Variants in TYW3 observed in about 807,000 individuals in gnomAD.
TYW3 encodes the protein tRNA-yW synthesizing protein 3 homolog.
A neutral mutation model predicts 23.1 loss-of-function variants in TYW3; 26 were observed. The observed-to-expected ratio is 1.13, with a 90% confidence interval of 0.83 to 1.56. The LOEUF (loss-of-function observed/expected upper bound fraction) is 1.56. Ranked by LOEUF, TYW3 falls within the 40% of genes most tolerant of loss-of-function variation. TYW3 has a pLI of 0.00. For missense variants in TYW3, 316 were observed against 311.9 expected, an observed-to-expected ratio of 1.01 and a Z score of -0.10; for synonymous variants, 102 against 105.7, an observed-to-expected ratio of 0.97 and a Z score of 0.21.
intron 5 of TYW3, among the ~76,000 whole-genome samples, chr1:74,754,343 A>C (rs1218300464): frequency 6.6e-6 from 1 of 152,244 alleles, no homozygotes; most frequent in Non-Finnish European, 1.5e-5. Flanking sequence ...GCATGCTGCC[A>C]TTAAGAGCCA....
chr1:74,736,381 G>T, intron 1 of TYW3, 161 bp from the exon 2 acceptor site: 1 of 455,062 alleles, frequency 2.2e-6, no homozygotes, highest in Non-Finnish European at 3.8e-6. Context: ...TTCTTATTCT[G>T]GGTTAACATT....
intron 5 of TYW3, among the ~76,000 whole-genome samples, chr1:74,763,091 T>C (rs1312428803): frequency 6.6e-6 from 1 of 152,150 alleles, no homozygotes; most frequent in Non-Finnish European, 1.5e-5. Context: ...AGAATGTGTT[T>C]TTTGATGGGA....
At position 74,766,449 on chromosome 1, in the gene TYW3, G is replaced by A. The variant is rs1357809641; in HGVS notation, c.*2336G>A. On this transcript the variant is annotated 3_prime_UTR_variant, in exon 6 of 6. Coordinates refer to ENST00000370867, the MANE Select transcript of TYW3 (RefSeq NM_138467.3). The stretch of plus-strand genomic sequence containing the variant: ...TGACCCTGTGTAGGCTTAGGCTAAT[G>A]TGTGTGTTTATATCTTAGTTTTTCA... 1 of 152,042 alleles carries A rather than the reference G, an allele frequency of 6.6e-6. No homozygotes were observed. Among genetic ancestry groups the A allele is most frequent in the Non-Finnish European group, 1.5e-5 (1 of 68,012 alleles). 9.4% of individuals were successfully genotyped at this position (152,042 alleles called of 1,614,324 possible).
intron 1 of TYW3, among the ~76,000 whole-genome samples, chr1:74,735,456 G>A (rs1453472663): frequency 6.6e-6 from 1 of 151,974 alleles, no homozygotes; most frequent in African/African-American, 2.4e-5. Context: ...CTTCTGTACT[G>A]GTTAGACTTT....
intron 3 of TYW3, among the ~76,000 whole-genome samples, chr1:74,747,656 A>T (rs1648613708): frequency 6.6e-6 from 1 of 151,136 alleles, no homozygotes; most frequent in African/African-American, 2.4e-5. Context: ...AAAAAGAAAA[A>T]GAAAAAAAGA....
In TYW3 at chr1:74,764,425, G is replaced by A; in HGVS notation, c.*312G>A. The A allele has an allele frequency of 4.8e-6, 1 of 210,470 alleles. No homozygotes were observed. The allele number at this position is 210,470 out of a possible 1,614,324, so 13.0% of individuals were successfully genotyped here. A position where few individuals can be genotyped will look rare whatever the true frequency, so the allele number is the denominator to read the frequency against. Reference sequence around the variant, plus strand: ...ATGGTGTCTTATTCTGAAATAACCTGACCTAAGACAGGTATTTAGATTATT... The same window carrying A: ...ATGGTGTCTTATTCTGAAATAACCTAACCTAAGACAGGTATTTAGATTATT... On this transcript the variant is annotated 3_prime_UTR_variant, in exon 6 of 6. Coordinates refer to ENST00000370867, the MANE Select transcript of TYW3 (RefSeq NM_138467.3).
chr1:74,738,339 CTCAA>C (rs2100755144), intron 2 of TYW3, among the ~76,000 whole-genome samples: 1 of 152,230 alleles, frequency 6.6e-6, no homozygotes, highest in East Asian at 1.9e-4. Flanking sequence ...TTGTCTCTAT[CTCAA>C]TCTAACAAAA....
chr1:74,750,842 T>G (rs1416822599), intron 4 of TYW3, among the ~76,000 whole-genome samples: 1 of 144,152 alleles, frequency 6.9e-6, no homozygotes, highest in Non-Finnish European at 1.5e-5. Context: ...AGTTTCACTC[T>G]TATTGCCCAG....
At chr1:74,749,424 T>C (rs1648698916) in intron 4 of TYW3, among the ~76,000 whole-genome samples, 1 of 151,452 alleles carries the variant, frequency 6.6e-6, no homozygotes, top group Non-Finnish European at 1.5e-5. Context: ...TTGCTGACCT[T>C]TCGACTAGAT....
intron 5 of TYW3, among the ~76,000 whole-genome samples, chr1:74,762,911 C>T (rs1349554962): frequency 6.6e-6 from 1 of 151,980 alleles, no homozygotes; most frequent in African/African-American, 2.4e-5. Flanking sequence ...AGAGAGCCTA[C>T]AGTTTATTGT....
intron 3 of TYW3, among the ~76,000 whole-genome samples, chr1:74,745,729 A>C (rs1450358001): frequency 6.6e-6 from 1 of 152,240 alleles, no homozygotes; most frequent in Non-Finnish European, 1.5e-5. Flanking sequence ...TAGCGTTGAC[A>C]TAACAATATA....
chr1:74,747,360 A>G (rs28583318), intron 3 of TYW3, among the ~76,000 whole-genome samples: 98,281 of 151,986 alleles, frequency 0.65, 32,360 homozygotes, highest in East Asian at 0.78. Context: ...AGACCGGGCC[A>G]GGCGCGGTGG....
intron 5 of TYW3, among the ~76,000 whole-genome samples, chr1:74,756,541 T>G (rs1043545908): frequency 2.0e-4 from 31 of 152,290 alleles, no homozygotes; most frequent in Admixed American, 1.7e-3. Flanking sequence ...ATTTAGGGTA[T>G]CCGGCAGAAT....
At chr1:74,744,075 ATTTC>A (rs1648461733) in intron 3 of TYW3, among the ~76,000 whole-genome samples, 1 of 151,996 alleles carries the variant, frequency 6.6e-6, no homozygotes, top group Non-Finnish European at 1.5e-5. Flanking sequence ...TCCTTTGGAG[ATTTC>A]TTTGCTTGTT....
chr1:74,753,166 G>A (rs1648846985), intron 5 of TYW3, among the ~76,000 whole-genome samples: 2 of 152,272 alleles, frequency 1.3e-5, no homozygotes, highest in South Asian at 4.1e-4. Context: ...AGGAGTAATA[G>A]CCAATTTGAT....
At chr1:74,740,364 T>G (rs919223363) in intron 3 of TYW3, among the ~76,000 whole-genome samples, 2 of 152,186 alleles carry the variant, frequency 1.3e-5, no homozygotes, top group African/African-American at 4.8e-5. Context: ...CAGCTCATAA[T>G]GGTAATGCAG....
rs1482245307 is a variant in TYW3, at chr1:74,733,258, C to G, written c.14C>G (p.Ala5Gly). Residue 5 changes from alanine to glycine, a missense_variant, in exon 1 of 6, where the codon GCG (alanine) becomes GGG (glycine). Coordinates refer to ENST00000370867, the MANE Select transcript of TYW3 (RefSeq NM_138467.3). MDRS[A>G]EFRKWKAQCL... The stretch of plus-strand genomic sequence containing the variant: ...AGTCCGTCACCCATGGATCGCAGCG[C>G]GGAGTTCAGGAAATGGAAGGCGCAA... 3 of 1,613,888 alleles carry G rather than the reference C, an allele frequency of 1.9e-6. No individual in the cohort carries two copies. Among genetic ancestry groups the G allele is most frequent in the African/African-American group, 2.7e-5 (2 of 74,912 alleles).
chr1:74,752,485 T>G, intron 5 of TYW3, 60 bp downstream of exon 5: 1 of 1,443,952 alleles, frequency 6.9e-7, no homozygotes, highest in Non-Finnish European at 9.5e-7. Flanking sequence ...TTGAAAACAT[T>G]AATACTTACT....
At chr1:74,741,200 G>A (rs1296106076) in intron 3 of TYW3, among the ~76,000 whole-genome samples, 1 of 152,160 alleles carries the variant, frequency 6.6e-6, no homozygotes, top group African/African-American at 2.4e-5. Flanking sequence ...TCCATTAAAG[G>A]GGTAAAGAGA....
Sources: gnomAD v4.1 joint callset for allele counts (sites outside exome capture counted in the v4.1 genomes callset) on GRCh38, gnomAD v4.1.1 for gene constraint, MANE v1.5 for transcripts, NCBI Gene and HGNC (gene_info 2026-07-23, HGNC 2026-07-21) for gene names.